FAM167B: variants seen among roughly 807,000 people sequenced by gnomAD.
The protein encoded by FAM167B is family with sequence similarity 167 member B.
A neutral mutation model predicts 15.4 loss-of-function variants in FAM167B; 7 were observed. The ratio of observed to expected loss-of-function variants is 0.46; its 90% CI spans 0.26 to 0.86. The LOEUF (loss-of-function observed/expected upper bound fraction) is 0.86, where lower values mean the gene tolerates loss of function less well. Among genes scored for constraint, FAM167B ranks in the 40% least tolerant of loss-of-function variants. FAM167B has a pLI of 0.17. For synonymous variants in FAM167B, 100 were observed against 94.6 expected, an observed-to-expected ratio of 1.06 and a Z score of -0.33; for missense variants, 207 against 208.3, an observed-to-expected ratio of 0.99 and a Z score of 0.04.
Position 32,247,261 on chromosome 1 carries a change from C to T in FAM167B, c.-161C>T. 1 of 897,020 alleles carries T rather than the reference C, an allele frequency of 1.1e-6. No individual in the cohort carries two copies. Among genetic ancestry groups the T allele is most frequent in the South Asian group, 2.8e-5 (1 of 36,144 alleles). 55.6% of individuals were successfully genotyped at this position (897,020 alleles called of 1,614,324 possible). On this transcript the variant is annotated 5_prime_UTR_variant, in exon 1 of 2. Transcript: ENST00000373582. Reference sequence around the variant, plus strand: ...ACACCCATCTGCTCACTCACCCTGGCACATTCAGCCCCCCTAACCCACCTT... The same window carrying T: ...ACACCCATCTGCTCACTCACCCTGGTACATTCAGCCCCCCTAACCCACCTT...
chr1:32,247,571 C>A lies in FAM167B; in HGVS notation c.150C>A (p.Val50=). Residue 50 remains valine (V), a synonymous_variant, in exon 1 of 2, where the codon GTC becomes GTA. Transcript: ENST00000373582. ...RPSYLEWTAQ[V]QSQAWRRAQA... is the part of the protein sequence containing the mutation. ...CATATCTGGAGTGGACAGCCCAGGTCCAGAGCCAGGCCTGGCGCAGGGCCC... is the reference window on the plus strand; with the variant it reads ...CATATCTGGAGTGGACAGCCCAGGTACAGAGCCAGGCCTGGCGCAGGGCCC... The A allele has an allele frequency of 6.3e-7, 1 of 1,589,876 alleles. No homozygotes were observed. Among genetic ancestry groups the A allele is most frequent in the South Asian group, 1.1e-5 (1 of 87,774 alleles).
Position 32,248,361 on chromosome 1 carries a change from TCGGCCGCAG to T in FAM167B, c.262-6_264del. On this transcript the variant is annotated splice_acceptor_variant and splice_polypyrimidine_tract_variant and intron_variant, in intron 1 of 1. Transcript: ENST00000373582. LOFTEE classifies it high-confidence loss of function. ...CTGTCCAGTAGGCTCACGCCCCCTCTCGGCCGCAGCGGGAGATGCAGGCGCAGGACAGGC... is the reference window on the plus strand; with the variant it reads ...CTGTCCAGTAGGCTCACGCCCCCTCTCGGGAGATGCAGGCGCAGGACAGGC... 2 of 1,555,014 alleles carry T rather than the reference TCGGCCGCAG, an allele frequency of 1.3e-6. No individual in the cohort carries two copies. Among genetic ancestry groups the T allele is most frequent in the Non-Finnish European group, 1.7e-6 (2 of 1,156,816 alleles).
rs1360972337 is a variant in FAM167B, at chr1:32,248,814, T to A, written c.*213T>A. 2 of 593,666 alleles carry A rather than the reference T, an allele frequency of 3.4e-6. No individual in the cohort carries two copies. The highest frequency in any genetic ancestry group is 3.7e-5 in the African/African-American group (2 of 53,368). 36.8% of individuals were successfully genotyped at this position (593,666 alleles called of 1,614,324 possible). A position where few individuals can be genotyped will look rare whatever the true frequency, so the allele number is the denominator to read the frequency against. On this transcript the variant is annotated 3_prime_UTR_variant, in exon 2 of 2. Transcript: ENST00000373582. ...AGCTGGGAGGGGGAGGAGGAGGAGC[T>A]CACACCCTCAAACTCCTCAATAAAC...
Position 32,248,396 on chromosome 1 carries a change from A to C in FAM167B, c.287A>C (p.Gln96Pro). 1 of 1,592,340 alleles carries C rather than the reference A, an allele frequency of 6.3e-7. No homozygotes were observed. Among genetic ancestry groups the C allele is most frequent in the Non-Finnish European group, 8.5e-7 (1 of 1,174,486 alleles). ...CGGGAGATGCAGGCGCAGGACAGGC[A>C]GCTGGCAGGGCAGCTGCTGCGGCTG... ...ELREMQAQDR[Q>P]LAGQLLRLRA... Residue 96 changes from glutamine (Q) to proline (P), a missense_variant, in exon 2 of 2, where the codon CAG becomes CCG. Physicochemically the swap from Gln to Pro is moderately conservative, Grantham distance 76. Coordinates refer to ENST00000373582, the MANE Select transcript of FAM167B (RefSeq NM_032648.3).
chr1:32,248,366 C>A lies in FAM167B; in HGVS notation c.262-5C>A, dbSNP rs566495925. The A allele has an allele frequency of 5.8e-5, 90 of 1,559,948 alleles. 1 individual carries two copies. In the South Asian group the frequency reaches 8.5e-4, roughly 15 times the overall value. Reference sequence around the variant, plus strand: ...CAGTAGGCTCACGCCCCCTCTCGGCCGCAGCGGGAGATGCAGGCGCAGGAC... The same window carrying A: ...CAGTAGGCTCACGCCCCCTCTCGGCAGCAGCGGGAGATGCAGGCGCAGGAC... On this transcript the variant is annotated splice_region_variant and splice_polypyrimidine_tract_variant and intron_variant, in intron 1 of 1. Transcript: ENST00000373582.
chr1:32,248,658 T>G lies in FAM167B; in HGVS notation c.*57T>G. 1 of 1,410,974 alleles carries G rather than the reference T, an allele frequency of 7.1e-7. No homozygotes were observed. The highest frequency in any genetic ancestry group is 9.4e-7 in the Non-Finnish European group (1 of 1,060,604). The allele number at this position is 1,410,974 out of a possible 1,614,324, so 87.4% of individuals were successfully genotyped here. On this transcript the variant is annotated 3_prime_UTR_variant, in exon 2 of 2. Transcript: ENST00000373582. ...CTCTCCCAATGCCGCTTCCCCTGCC[T>G]GCCTGGGAAGAGGAAAGGGAGGGGT...
Position 32,248,494 on chromosome 1 carries a change from C to G in FAM167B, c.385C>G (p.Leu129Val). Residue 129 changes from leucine to valine, a missense_variant, in exon 2 of 2, where the codon CTG (leucine) becomes GTG (valine). Leu to Val is a conservative substitution (Grantham distance 32, BLOSUM62 1). Transcript: ENST00000373582. ...LHQELLDEAE[L>V]ELELEPGAGL... ...CCAGGAGCTGCTGGATGAGGCCGAG[C>G]TGGAGCTGGAGCTGGAGCCCGGGGC... 1 of 1,584,666 alleles carries G rather than the reference C, an allele frequency of 6.3e-7. No individual in the cohort carries two copies. The highest frequency in any genetic ancestry group is 8.6e-7 in the Non-Finnish European group (1 of 1,167,738).
At position 32,248,393 on chromosome 1, in the gene FAM167B, G is replaced by A; in HGVS notation, c.284G>A (p.Arg95Lys). Residue 95 changes from arginine (R) to lysine (K), a missense_variant, in exon 2 of 2, where the codon AGG (arginine) becomes AAG (lysine). By Grantham distance (26) the Arg-to-Lys change is conservative. Coordinates refer to ENST00000373582, the MANE Select transcript of FAM167B (RefSeq NM_032648.3). ...RELREMQAQD[R>K]QLAGQLLRLR... ...CAGCGGGAGATGCAGGCGCAGGACA[G>A]GCAGCTGGCAGGGCAGCTGCTGCGG... The A allele has an allele frequency of 6.3e-7, 1 of 1,590,012 alleles. No homozygotes were observed. The highest frequency in any genetic ancestry group is 8.5e-7 in the Non-Finnish European group (1 of 1,173,548).
rs997133647 is a variant in FAM167B, at chr1:32,248,633, C to T, written c.*32C>T. ...CCTGTGCCCCCCGACTCCCCGCCCC[C>T]TCTCCCAATGCCGCTTCCCCTGCCT... On this transcript the variant is annotated 3_prime_UTR_variant, in exon 2 of 2. Coordinates refer to ENST00000373582, the MANE Select transcript of FAM167B (RefSeq NM_032648.3). 1.3e-6 allele frequency: 2 copies of T among 1,490,724 alleles called. No individual in the cohort carries two copies. Among genetic ancestry groups the T allele is most frequent in the Admixed American group, 2.1e-5 (1 of 47,182 alleles). The allele number at this position is 1,490,724 out of a possible 1,614,324, so 92.3% of individuals were successfully genotyped here. A position where few individuals can be genotyped will look rare whatever the true frequency, so the allele number is the denominator to read the frequency against.
rs764853049 is a variant in FAM167B at position 32,248,522 on chromosome 1, G to A, written c.413G>A (p.Gly138Asp). Reference protein sequence around the residue: ...ELELELEPGAGLALAPLLRHL... With the variant: ...ELELELEPGADLALAPLLRHL... ...GAGCTGGAGCTGGAGCCCGGGGCCG[G>A]CCTAGCCCTGGCCCCGCTGCTGCGG... The change falls in exon 2 of 2, where the codon GGC becomes GAC. Residue 138 changes from glycine to aspartate, a missense_variant. Transcript: ENST00000373582. 4 of 1,570,562 alleles carry A rather than the reference G, an allele frequency of 2.5e-6. No individual in the cohort carries two copies. The African/African-American group carries it at 5.4e-5, about 21-fold the overall frequency.
In FAM167B at chr1:32,247,367, C is replaced by G; in HGVS notation, c.-55C>G. Reference sequence around the variant, plus strand: ...ACCTCTCCCTGGGCAATACTGCCAGCCTTTCCCTAATCTCAGAGCTGCAGC... The same window carrying G: ...ACCTCTCCCTGGGCAATACTGCCAGGCTTTCCCTAATCTCAGAGCTGCAGC... On this transcript the variant is annotated 5_prime_UTR_variant, in exon 1 of 2. Transcript: ENST00000373582. 6.8e-7 allele frequency: 1 copy of G among 1,464,186 alleles called. No individual in the cohort carries two copies. The highest frequency in any genetic ancestry group is 9.1e-7 in the Non-Finnish European group (1 of 1,104,780). The allele number at this position is 1,464,186 out of a possible 1,614,324, so 90.7% of individuals were successfully genotyped here.
Position 32,248,838 on chromosome 1 carries a change from AC to A in FAM167B, c.*238del, listed in dbSNP as rs1198372473. On this transcript the variant is annotated 3_prime_UTR_variant, in exon 2 of 2. Transcript: ENST00000373582. ...CTCACACCCTCAAACTCCTCAATAA[AC>A]GCTTTCTCTGGTTCCCATCAAGGTC... 3.5e-6 allele frequency: 2 copies of A among 563,588 alleles called. No homozygotes were observed. The highest frequency in any genetic ancestry group is 6.3e-6 in the Non-Finnish European group (2 of 318,864). The allele number at this position is 563,588 out of a possible 1,614,324, so 34.9% of individuals were successfully genotyped here.
At position 32,248,760 on chromosome 1, in the gene FAM167B, C is replaced by A; in HGVS notation, c.*159C>A. 1 of 681,548 alleles carries A rather than the reference C, an allele frequency of 1.5e-6. No homozygotes were observed. The highest frequency in any genetic ancestry group is 2.4e-6 in the Non-Finnish European group (1 of 413,234). 42.2% of individuals were successfully genotyped at this position (681,548 alleles called of 1,614,324 possible). A position where few individuals can be genotyped will look rare whatever the true frequency, so the allele number is the denominator to read the frequency against. On this transcript the variant is annotated 3_prime_UTR_variant, in exon 2 of 2. Transcript: ENST00000373582. ...AGAGCTGAATTCCAAGAGTGCAAAA[C>A]CCCAGCATCCTGTTTCCTCTGCTGA... is the stretch of plus-strand genomic sequence containing the variant.
In FAM167B at chr1:32,247,354, G is replaced by A; in HGVS notation, c.-68G>A. The A allele has an allele frequency of 6.9e-7, 1 of 1,456,552 alleles. No individual in the cohort carries two copies. Among genetic ancestry groups the A allele is most frequent in the Non-Finnish European group, 9.1e-7 (1 of 1,101,144 alleles). The allele number at this position is 1,456,552 out of a possible 1,614,324, so 90.2% of individuals were successfully genotyped here. A position where few individuals can be genotyped will look rare whatever the true frequency, so the allele number is the denominator to read the frequency against. On this transcript the variant is annotated 5_prime_UTR_variant, in exon 1 of 2. Coordinates refer to ENST00000373582, the MANE Select transcript of FAM167B (RefSeq NM_032648.3). ...CTCAACTTCTGCCACCTCTCCCTGG[G>A]CAATACTGCCAGCCTTTCCCTAATC...
At position 32,247,671 on chromosome 1, in the gene FAM167B, C is replaced by G; in HGVS notation, c.250C>G (p.Arg84Gly). 1.4e-6 allele frequency: 2 copies of G among 1,468,292 alleles called. No homozygotes were observed. Among genetic ancestry groups the G allele is most frequent in the Non-Finnish European group, 1.8e-6 (2 of 1,106,510 alleles). The allele number at this position is 1,468,292 out of a possible 1,614,324, so 91.0% of individuals were successfully genotyped here. A position where few individuals can be genotyped will look rare whatever the true frequency, so the allele number is the denominator to read the frequency against. ...AATGGACTCCGCCCTTGAGTGGCTCCGACGGGAGCTGGTGAGTCTGGTGGG... is the reference window on the plus strand; with the variant it reads ...AATGGACTCCGCCCTTGAGTGGCTCGGACGGGAGCTGGTGAGTCTGGTGGG... Reference protein sequence around the residue: ...DSMDSALEWLRRELREMQAQD... With the variant: ...DSMDSALEWLGRELREMQAQD... The change falls in exon 1 of 2, where the codon CGA becomes GGA. Residue 84 changes from arginine (R) to glycine (G), a missense_variant. Arg to Gly is a moderately radical substitution (Grantham distance 125). Coordinates refer to ENST00000373582, the MANE Select transcript of FAM167B (RefSeq NM_032648.3).
intron 1 of FAM167B, among the ~76,000 whole-genome samples, 155 bp downstream of exon 1, chr1:32,247,837 G>A (rs1227366153): frequency 2.6e-5 from 4 of 152,244 alleles, no homozygotes; most frequent in Non-Finnish European, 5.9e-5. Context: ...GAATGGACTT[G>A]TCCAGTGTTG....
At position 32,248,281 on chromosome 1, in the gene FAM167B, T is replaced by C. The variant is rs373048088; in HGVS notation, c.262-90T>C. On this transcript the variant is annotated intron_variant, in intron 1 of 1. Transcript: ENST00000373582. ...TGAGAGGGGGCTGGGGAGGACACAG[T>C]CAGTGCAAAGGCCCAGCGTTGCCAG... The C allele has an allele frequency of 4.0e-5, 42 of 1,053,320 alleles. 1 individual carries two copies. In the African/African-American group the frequency reaches 5.1e-4, roughly 13 times the overall value. The allele number at this position is 1,053,320 out of a possible 1,614,324, so 65.2% of individuals were successfully genotyped here. A position where few individuals can be genotyped will look rare whatever the true frequency, so the allele number is the denominator to read the frequency against.
At position 32,248,731 on chromosome 1, in the gene FAM167B, T is replaced by C; in HGVS notation, c.*130T>C. ...GCGGGGGAGGAGGAACATTCAGGTT[T>C]CTGAGAGCTGAATTCCAAGAGTGCA... is the stretch of plus-strand genomic sequence containing the variant. On this transcript the variant is annotated 3_prime_UTR_variant, in exon 2 of 2. Transcript: ENST00000373582. 1.2e-6 allele frequency: 1 copy of C among 825,998 alleles called. No homozygotes were observed. Among genetic ancestry groups the C allele is most frequent in the Non-Finnish European group, 1.8e-6 (1 of 543,592 alleles). 51.2% of individuals were successfully genotyped at this position (825,998 alleles called of 1,614,324 possible).
rs971427532 is a variant in FAM167B at position 32,248,799 on chromosome 1, G to T, written c.*198G>T. 6.2e-5 allele frequency: 37 copies of T among 601,494 alleles called. No homozygotes were observed. In the African/African-American group the frequency reaches 6.2e-4, roughly 10 times the overall value. The allele number at this position is 601,494 out of a possible 1,614,324, so 37.3% of individuals were successfully genotyped here. On this transcript the variant is annotated 3_prime_UTR_variant, in exon 2 of 2. Coordinates refer to ENST00000373582, the MANE Select transcript of FAM167B (RefSeq NM_032648.3). ...TTCCTCTGCTGACCCAGCTGGGAGGGGGAGGAGGAGGAGCTCACACCCTCA... is the reference window on the plus strand; with the variant it reads ...TTCCTCTGCTGACCCAGCTGGGAGGTGGAGGAGGAGGAGCTCACACCCTCA...
Sources: allele counts gnomAD v4.1 joint callset (sites outside exome capture counted in the v4.1 genomes callset), GRCh38; gene constraint gnomAD v4.1.1; transcripts MANE v1.5; gene names NCBI Gene and HGNC (gene_info 2026-07-23, HGNC 2026-07-21).